C4orf36: variants seen among roughly 807,000 people sequenced by gnomAD.
C4orf36 encodes uncharacterized protein C4orf36.
A neutral mutation model predicts 12.2 loss-of-function variants in C4orf36; 11 were observed. The observed-to-expected ratio is 0.90, with a 90% CI of 0.57 to 1.49. The LOEUF (loss-of-function observed/expected upper bound fraction) is 1.49, where lower values mean the gene tolerates loss of function less well. C4orf36 is among the 40% of genes most tolerant of loss of function. The pLI, the probability that C4orf36 is intolerant of heterozygous loss-of-function variation, is 0.00. For missense variants in C4orf36, 137 were observed against 133.9 expected, an observed-to-expected ratio of 1.02 and a Z score of -0.11; for synonymous variants, 54 against 51.3, an observed-to-expected ratio of 1.05 and a Z score of -0.22.
chr4:86,919,449 A>T, the C4orf36 span, among the ~76,000 whole-genome samples: 3 of 149,500 alleles, frequency 2.0e-5, no homozygotes, highest in Non-Finnish European at 4.4e-5. Context: ...CAGCCTCCTG[A>T]GTAGCTGGGA....
the C4orf36 span, among the ~76,000 whole-genome samples, chr4:86,916,041 G>C: frequency 6.6e-6 from 1 of 152,168 alleles, no homozygotes; most frequent in Non-Finnish European, 1.5e-5. Context: ...ATACATTTCT[G>C]TTGCTTTAAG....
the C4orf36 span, among the ~76,000 whole-genome samples, chr4:86,912,276 C>G: frequency 6.6e-6 from 1 of 152,216 alleles, no homozygotes; most frequent in Non-Finnish European, 1.5e-5. Context: ...CTGCCTCGGC[C>G]TCCCAAAGTG....
rs528077424 is a variant in C4orf36 at position 86,890,077 on chromosome 4, A to T, written c.65+1379T>A. 2.0e-3 allele frequency: 912 copies of T among 454,674 alleles called. 11 individuals carry two copies. The highest frequency in any genetic ancestry group is 0.014 in the South Asian group (889 of 64,470). The allele number at this position is 454,674 out of a possible 1,614,324, so 28.2% of individuals were successfully genotyped here. The stretch of plus-strand genomic sequence containing the variant: ...CACAGTGGTGTGTGCCTGTGGTCCC[A>T]GCTACTCAGGAGGCTGAGATGGGAG... On this transcript the variant is annotated intron_variant, in intron 2 of 4. Transcript: ENST00000295898.
the C4orf36 span, among the ~76,000 whole-genome samples, chr4:86,927,812 A>C: frequency 5.9e-5 from 9 of 152,300 alleles, no homozygotes; most frequent in South Asian, 1.9e-3. Context: ...AAAAAAAAAA[A>C]AATTCTGGAA....
chr4:86,881,137 T>C (rs930845053), intron 4 of C4orf36, among the ~76,000 whole-genome samples: 9 of 130,504 alleles, frequency 6.9e-5, no homozygotes, highest in African/African-American at 2.6e-4. Context: ...GCATAGAATC[T>C]AAAATACAAA....
chr4:86,912,792 G>A, the C4orf36 span, among the ~76,000 whole-genome samples: 1 of 152,068 alleles, frequency 6.6e-6, no homozygotes, highest in Non-Finnish European at 1.5e-5. Context: ...AAACATATAT[G>A]TAAATGTGTG....
At chr4:86,914,417 T>A in the C4orf36 span, 1 of 700,670 alleles carries the variant, frequency 1.4e-6, no homozygotes, top group South Asian at 1.8e-5. Context: ...TTTTTTTTTT[T>A]TGAGACAGAG....
the C4orf36 span, chr4:86,913,626 C>T: frequency 6.7e-7 from 1 of 1,489,918 alleles, no homozygotes; most frequent in South Asian, 1.2e-5. Flanking sequence ...AGCAGGAACT[C>T]TGTGTGAGAC....
At chr4:86,903,515 G>A in the C4orf36 span, among the ~76,000 whole-genome samples, 1 of 152,204 alleles carries the variant, frequency 6.6e-6, no homozygotes, top group Non-Finnish European at 1.5e-5. Flanking sequence ...CAGTAGGTTC[G>A]TGGTCTCGCT....
chr4:86,884,298 A>ACTTTTTTTTTTTTTTTTTTTTTTTT (rs1560471171), intron 4 of C4orf36, among the ~76,000 whole-genome samples: 1 of 125,250 alleles, frequency 8.0e-6, no homozygotes, highest in Non-Finnish European at 1.7e-5. Flanking sequence ...AAAAAGACTG[A>ACTTTTTTTTTTTTTTTTTTTTTTTT]ATTTTTTTTT....
At chr4:86,890,798 A>G (rs1747376955) in intron 2 of C4orf36, among the ~76,000 whole-genome samples, 2 of 152,256 alleles carry the variant, frequency 1.3e-5, no homozygotes, top group South Asian at 4.1e-4. Context: ...CGTTCACTGG[A>G]TGACAGGCAA....
At chr4:86,902,678 G>A in the C4orf36 span, among the ~76,000 whole-genome samples, 1 of 151,986 alleles carries the variant, frequency 6.6e-6, no homozygotes, top group Non-Finnish European at 1.5e-5. Flanking sequence ...CAGATAACTT[G>A]CCCACCTCCG....
rs765759103 is a variant in C4orf36, at chr4:86,887,903, A to G, written c.221-10T>C. 1 of 1,613,860 alleles carries G rather than the reference A, an allele frequency of 6.2e-7. No individual in the cohort carries two copies. Among genetic ancestry groups the G allele is most frequent in the South Asian group, 1.1e-5 (1 of 91,036 alleles). ...CTTTCGAGTTTGATAGCTGAAAAAG[A>G]AAATACACAAAACAATCTGACATAC... On this transcript the variant is annotated splice_polypyrimidine_tract_variant and intron_variant, in intron 3 of 4. Coordinates refer to ENST00000295898, the MANE Select transcript of C4orf36 (RefSeq NM_144645.4).
At chr4:86,891,214 C>G (rs1416606273) in intron 2 of C4orf36, among the ~76,000 whole-genome samples, 1 of 149,790 alleles carries the variant, frequency 6.7e-6, no homozygotes, top group Non-Finnish European at 1.5e-5. Flanking sequence ...GATCAAACTT[C>G]TCTGAACCTC....
At chr4:86,928,307 G>C in the C4orf36 span, among the ~76,000 whole-genome samples, 3 of 152,228 alleles carry the variant, frequency 2.0e-5, no homozygotes, top group African/African-American at 7.2e-5. Flanking sequence ...TGTTCATTGG[G>C]ATCTGTAGAA....
the C4orf36 span, chr4:86,913,969 C>T: frequency 9.0e-6 from 14 of 1,556,986 alleles, no homozygotes; most frequent in African/African-American, 1.4e-5. Flanking sequence ...TCATCCACTT[C>T]TTTAATGTAG....
the C4orf36 span, among the ~76,000 whole-genome samples, chr4:86,923,560 C>G: frequency 6.6e-6 from 1 of 152,018 alleles, no homozygotes; most frequent in African/African-American, 2.4e-5. Flanking sequence ...GAGTTTGAGA[C>G]CAGCCTGGCC....
chr4:86,905,726 C>CT, the C4orf36 span, among the ~76,000 whole-genome samples: 23 of 109,736 alleles, frequency 2.1e-4, no homozygotes, highest in African/African-American at 3.1e-4. Flanking sequence ...TTTTTTTTTT[C>CT]TTTTTTTTTG....
the C4orf36 span, among the ~76,000 whole-genome samples, chr4:86,900,900 A>G: frequency 6.6e-6 from 1 of 152,084 alleles, no homozygotes; most frequent in Non-Finnish European, 1.5e-5. Flanking sequence ...AATCTTGGAC[A>G]TTACAATTTT....
Sources: gnomAD v4.1 joint callset for allele counts (sites outside exome capture counted in the v4.1 genomes callset) on GRCh38, gnomAD v4.1.1 for gene constraint, MANE v1.5 for transcripts, NCBI Gene and HGNC (gene_info 2026-07-23, HGNC 2026-07-21) for gene names.